Variants in ANO3 observed in about 807,000 individuals in gnomAD.
The protein encoded by ANO3 is anoctamin 3, also known as anoctamin-3.
ANO3 carries 99 observed loss-of-function variants against 144.8 expected under a neutral mutation model. The observed-to-expected ratio is 0.68, with a 90% CI of 0.58 to 0.81. The LOEUF is 0.81. ANO3 is among the 30% of genes least tolerant of loss of function. The probability of loss-of-function intolerance (pLI) is 0.00; values close to 1 mark genes in which losing one functional copy is unlikely to be tolerated. For missense variants in ANO3, 905 were observed against 1,202.2 expected, an observed-to-expected ratio of 0.75 and a Z score of 3.66; for synonymous variants, 414 against 392.6, an observed-to-expected ratio of 1.05 and a Z score of -0.64.
chr11:26,337,668 T>A (rs1410031831), intron 1 of ANO3, among the ~76,000 whole-genome samples: 3 of 152,160 alleles, frequency 2.0e-5, no homozygotes, highest in African/African-American at 7.2e-5. Flanking sequence ...TTATTAAATG[T>A]TAGCGTAAAA....
chr11:26,390,421 C>A (rs2133961455), intron 1 of ANO3, among the ~76,000 whole-genome samples: 1 of 152,138 alleles, frequency 6.6e-6, no homozygotes, highest in Middle Eastern at 3.4e-3. Flanking sequence ...GACCCCCTCC[C>A]AAAAAACTTG....
At chr11:26,207,609 C>A (rs1590193349) in intron 1 of ANO3, among the ~76,000 whole-genome samples, 1 of 151,924 alleles carries the variant, frequency 6.6e-6, no homozygotes, top group South Asian at 2.1e-4. Flanking sequence ...GAGAAAGGCA[C>A]TCTAATTAAA....
chr11:26,453,021 G>T (rs1197360886), intron 3 of ANO3, among the ~76,000 whole-genome samples: 1 of 151,832 alleles, frequency 6.6e-6, no homozygotes, highest in Non-Finnish European at 1.5e-5. Context: ...TTACAGACAA[G>T]CAAATGCTGA....
chr11:26,503,616 A>C (rs1565065886), intron 4 of ANO3, among the ~76,000 whole-genome samples: 2 of 152,090 alleles, frequency 1.3e-5, no homozygotes, highest in Non-Finnish European at 2.9e-5. Flanking sequence ...AACTGGTAAA[A>C]ACTCATCATT....
intron 3 of ANO3, among the ~76,000 whole-genome samples, chr11:26,449,374 G>T (rs889748901): frequency 1.3e-5 from 2 of 151,980 alleles, no homozygotes; most frequent in Non-Finnish European, 2.9e-5. Context: ...CCAGAATCAG[G>T]AATAGTACCT....
intron 13 of ANO3, among the ~76,000 whole-genome samples, chr11:26,557,367 A>G (rs1850115261): frequency 1.3e-5 from 2 of 151,534 alleles, no homozygotes; most frequent in South Asian, 4.2e-4. Flanking sequence ...AGGCTGAGGC[A>G]GGAGAATGGC....
intron 14 of ANO3, chr11:26,567,180 G>T: frequency 3.2e-6 from 4 of 1,246,948 alleles, no homozygotes; most frequent in South Asian, 2.7e-5. Flanking sequence ...CAAGTCAACT[G>T]ACTCCAATCT....
intron 4 of ANO3, among the ~76,000 whole-genome samples, chr11:26,473,350 G>C (rs930450114): frequency 1.3e-5 from 2 of 151,808 alleles, no homozygotes; most frequent in Non-Finnish European, 2.9e-5. Context: ...AATTTTATTT[G>C]CTTGTTTACC....
At chr11:26,476,863 AAGC>A (rs1590395238) in intron 4 of ANO3, among the ~76,000 whole-genome samples, 1 of 151,662 alleles carries the variant, frequency 6.6e-6, no homozygotes, top group East Asian at 1.9e-4. Context: ...AAAGTCAAAA[AAGC>A]AGGCTAGAAA....
intron 1 of ANO3, among the ~76,000 whole-genome samples, chr11:26,407,684 C>T (rs1323957926): frequency 6.6e-6 from 1 of 151,766 alleles, no homozygotes; most frequent in African/African-American, 2.4e-5. Context: ...ACGAATTAAA[C>T]CATGTCACTC....
At chr11:26,308,745 A>G (rs1854440291), upstream of ANO3, among the ~76,000 whole-genome samples, 1 of 152,202 alleles carries the variant, frequency 6.6e-6, no homozygotes. Flanking sequence ...CTGATTGTCT[A>G]ATGAGGGAGG....
chr11:26,569,022 C>T (rs1434361735), intron 14 of ANO3, among the ~76,000 whole-genome samples: 2 of 151,968 alleles, frequency 1.3e-5, no homozygotes, highest in Non-Finnish European at 2.9e-5. Context: ...GGAAAAATGT[C>T]CTTAGCTGTT....
intron 4 of ANO3, among the ~76,000 whole-genome samples, chr11:26,476,624 A>T (rs919168940): frequency 6.6e-6 from 1 of 151,940 alleles, no homozygotes; most frequent in Non-Finnish European, 1.5e-5. Context: ...TTTTTATAAG[A>T]TCACTCTGCC....
intron 4 of ANO3, among the ~76,000 whole-genome samples, chr11:26,465,495 C>G (rs986076239): frequency 1.3e-5 from 2 of 151,602 alleles, no homozygotes; most frequent in African/African-American, 4.8e-5. Context: ...GAGGAGTCAA[C>G]AGAAAGGGGG....
chr11:26,634,934 G>A, intron 19 of ANO3, 79 bp from the exon 20 acceptor site: 1 of 1,139,874 alleles, frequency 8.8e-7, no homozygotes. Context: ...ACCCACACAT[G>A]CACTCGTTGT....
chr11:26,310,638 T>C (rs1201630151), intron 1 of ANO3, among the ~76,000 whole-genome samples: 1 of 152,226 alleles, frequency 6.6e-6, no homozygotes, highest in African/African-American at 2.4e-5. Flanking sequence ...TCTGCACCCA[T>C]GTGTGTGTTG....
At chr11:26,497,045 C>G (rs957156194) in intron 4 of ANO3, among the ~76,000 whole-genome samples, 3 of 144,432 alleles carry the variant, frequency 2.1e-5, no homozygotes, top group African/African-American at 7.6e-5. Context: ...CACACACACA[C>G]ACTACATTTT....
In ANO3 at chr11:26,332,173, G is replaced by T; in HGVS notation, c.-103G>T. 1 of 1,602,394 alleles carries T rather than the reference G, an allele frequency of 6.2e-7. No individual in the cohort carries two copies. The highest frequency in any genetic ancestry group is 2.2e-5 in the East Asian group (1 of 44,702). Reference sequence around the variant, plus strand: ...TACAGCAGGTGTCGGATTGCAGTGCGCTCGCTGAGGCTCCGGACCTTGGAG... The same window carrying T: ...TACAGCAGGTGTCGGATTGCAGTGCTCTCGCTGAGGCTCCGGACCTTGGAG... On this transcript the variant is annotated 5_prime_UTR_variant, in exon 1 of 27. Coordinates refer to ENST00000256737, the MANE Select transcript of ANO3 (RefSeq NM_031418.4).
At chr11:26,314,295 G>A (rs1186414355) in intron 1 of ANO3, among the ~76,000 whole-genome samples, 1 of 152,096 alleles carries the variant, frequency 6.6e-6, no homozygotes, top group African/African-American at 2.4e-5. Context: ...CCAGCTGCAT[G>A]ATTTTACATA....
Sources: allele counts gnomAD v4.1 joint callset (sites outside exome capture counted in the v4.1 genomes callset), GRCh38; gene constraint gnomAD v4.1.1; transcripts MANE v1.5; gene names NCBI Gene and HGNC (gene_info 2026-07-23, HGNC 2026-07-21).